The following SHISA4 variants were observed in gnomAD, a reference collection of about 807,000 sequenced individuals.
SHISA4 encodes shisa family member 4, also known as protein shisa-4.
In SHISA4, 16 loss-of-function variants were observed where a neutral mutation model predicts 24.2. That is an observed-to-expected ratio of 0.66 (90% CI 0.45 to 1.00). SHISA4 has a LOEUF of 1.00. SHISA4 is among the 50% of genes least tolerant of loss of function. The pLI, the probability that SHISA4 is intolerant of heterozygous loss-of-function variation, is 0.00. For synonymous variants in SHISA4, 106 were observed against 105.4 expected (o/e 1.01, Z -0.04); for missense variants, 238 against 258.9 (o/e 0.92, Z 0.55).
Position 201,892,010 on chromosome 1 carries a change from G to A in SHISA4, c.*164G>A, listed in dbSNP as rs890033352. The A allele has an allele frequency of 1.3e-6, 1 of 756,906 alleles. No individual in the cohort carries two copies. Among genetic ancestry groups the A allele is most frequent in the Non-Finnish European group, 2.2e-6 (1 of 449,726 alleles). 46.9% of individuals were successfully genotyped at this position (756,906 alleles called of 1,614,324 possible). A position where few individuals can be genotyped will look rare whatever the true frequency, so the allele number is the denominator to read the frequency against. On this transcript the variant is annotated 3_prime_UTR_variant, in exon 5 of 5. Coordinates refer to ENST00000362011, the MANE Select transcript of SHISA4 (RefSeq NM_198149.3). ...ACTGGGGACAGAGCCCCAGGGAAGT[G>A]GAACAGGAGCTGAACTAGAACTATG... is the stretch of plus-strand genomic sequence containing the variant.
rs1473499123 is a variant in SHISA4, at chr1:201,891,459, C to T, written c.438C>T (p.Asp146=). ...PVQPVYPYPQ[D]PKAGPAPPQP... ...AGCCAGTATACCCATACCCCCAGGA[C>T]CCCAAAGCTGGCCCTGCACCCCCAC... Residue 146 remains aspartate (D), a synonymous_variant, in exon 4 of 5, where the codon GAC becomes GAT. Transcript: ENST00000362011. 7.4e-6 allele frequency: 12 copies of T among 1,613,920 alleles called. No homozygotes were observed. The highest frequency in any genetic ancestry group is 1.0e-5 in the Non-Finnish European group (12 of 1,179,936).
rs1681053534 is a variant in SHISA4 at position 201,889,549 on chromosome 1, C to G, written c.178C>G (p.Arg60Gly). ...CTTCTGCTGCGGGACCTGCTACCATCGGTACTGCTGCAGGGACCTGACCTT... is the reference window on the plus strand; with the variant it reads ...CTTCTGCTGCGGGACCTGCTACCATGGGTACTGCTGCAGGGACCTGACCTT... ...FTFCCGTCYH[R>G]YCCRDLTLLI... Residue 60 changes from arginine (R) to glycine (G), a missense_variant, in exon 2 of 5, where the codon CGG becomes GGG. By Grantham distance (125) the Arg-to-Gly change is moderately radical (BLOSUM62 -2). Coordinates refer to ENST00000362011, the MANE Select transcript of SHISA4 (RefSeq NM_198149.3). 1.2e-6 allele frequency: 2 copies of G among 1,613,972 alleles called. No individual in the cohort carries two copies. The highest frequency in any genetic ancestry group is 1.3e-5 in the African/African-American group (1 of 74,904).
Position 201,888,978 on chromosome 1 carries a change from C to T in SHISA4, c.-17C>T. The T allele has an allele frequency of 3.6e-6, 5 of 1,382,400 alleles. No homozygotes were observed. The Admixed American group carries it at 1.4e-4, about 38-fold the overall frequency. 85.6% of individuals were successfully genotyped at this position (1,382,400 alleles called of 1,614,324 possible). ...CTTCTCTGGGAGGCCCGACCCCGGC[C>T]GCGCCCAGCCCCCACCATGCCACCC... is the stretch of plus-strand genomic sequence containing the variant. On this transcript the variant is annotated 5_prime_UTR_variant, in exon 1 of 5. Coordinates refer to ENST00000362011, the MANE Select transcript of SHISA4 (RefSeq NM_198149.3).
At chr1:201,888,869 C>G (rs1318423953), upstream of SHISA4, 3 of 551,482 alleles carry the variant, frequency 5.4e-6, no homozygotes, top group Non-Finnish European at 2.8e-6. Flanking sequence ...GTCCCACCCC[C>G]AGAGGAGGCG....
At chr1:201,890,839 C>T (rs751718353) in intron 3 of SHISA4, among the ~76,000 whole-genome samples, 1 of 152,216 alleles carries the variant, frequency 6.6e-6, no homozygotes, top group Non-Finnish European at 1.5e-5. Context: ...TACAGGAGTG[C>T]AGTCTGTCAA....
intron 3 of SHISA4, among the ~76,000 whole-genome samples, chr1:201,890,968 A>C (rs1381802880): frequency 6.6e-6 from 1 of 152,128 alleles, no homozygotes; most frequent in Non-Finnish European, 1.5e-5. Context: ...TATGTGCCTG[A>C]GTGTTGGCAT....
intron 1 of SHISA4, 119 bp from the exon 2 acceptor site, chr1:201,889,326 G>A (rs1052361651): frequency 7.1e-7 from 1 of 1,405,088 alleles, no homozygotes; most frequent in African/African-American, 1.4e-5. Context: ...GTGGAGACAA[G>A]GGGCAACCCT....
chr1:201,891,442 T>C lies in SHISA4; in HGVS notation c.421T>C (p.Tyr141His), dbSNP rs748059747. Residue 141 changes from tyrosine (Y) to histidine (H), a missense_variant, in exon 4 of 5, where the codon TAC (tyrosine) becomes CAC (histidine). By Grantham distance (83) the Tyr-to-His change is moderately conservative. Transcript: ENST00000362011. ...GACAGGCATCCCAGTGCAGCCAGTA[T>C]ACCCATACCCCCAGGACCCCAAAGC... is the stretch of plus-strand genomic sequence containing the variant. Reference protein sequence around the residue: ...PMTGIPVQPVYPYPQDPKAGP... With the variant: ...PMTGIPVQPVHPYPQDPKAGP... The C allele has an allele frequency of 6.2e-7, 1 of 1,613,810 alleles. No homozygotes were observed. The highest frequency in any genetic ancestry group is 1.1e-5 in the South Asian group (1 of 91,070).
Position 201,891,250 on chromosome 1 carries a change from C to G in SHISA4, c.380-151C>G, listed in dbSNP as rs532017616. 1.8e-5 allele frequency: 16 copies of G among 869,358 alleles called. No homozygotes were observed. In the Admixed American group the frequency reaches 3.4e-4, roughly 18 times the overall value. The allele number at this position is 869,358 out of a possible 1,614,324, so 53.9% of individuals were successfully genotyped here. On this transcript the variant is annotated intron_variant, in intron 3 of 4. Coordinates refer to ENST00000362011, the MANE Select transcript of SHISA4 (RefSeq NM_198149.3). ...GCCACGTGCACAGCTCCCTGCTTAA[C>G]TCTGCCAAGCAGGGTGTGGGAGGCA...
intron 3 of SHISA4, among the ~76,000 whole-genome samples, chr1:201,890,917 G>C (rs1302563740): frequency 6.6e-6 from 1 of 152,216 alleles, no homozygotes; most frequent in Non-Finnish European, 1.5e-5. Context: ...CAGGTCTGTA[G>C]TGATGAACAT....
chr1:201,891,559 A>G lies in SHISA4; in HGVS notation c.538A>G (p.Asn180Asp). The change falls in exon 4 of 5, where the codon AAC becomes GAC. Residue 180 changes from asparagine to aspartate, a missense_variant. Coordinates refer to ENST00000362011, the MANE Select transcript of SHISA4 (RefSeq NM_198149.3). ...CTACCCAGCTGGGCCCCCAGTCTAC[A>G]ACCCTGCAGGTAAGTAAGCAATCTG... ...PLYPAGPPVY[N>D]PAAPPPYMPP... 1.2e-6 allele frequency: 2 copies of G among 1,610,202 alleles called. No homozygotes were observed. The highest frequency in any genetic ancestry group is 1.7e-6 in the Non-Finnish European group (2 of 1,178,006).
At chr1:201,890,769 A>T (rs1384984332) in intron 3 of SHISA4, among the ~76,000 whole-genome samples, 182 bp downstream of exon 3, 1 of 152,234 alleles carries the variant, frequency 6.6e-6, no homozygotes, top group African/African-American at 2.4e-5. Flanking sequence ...TGTGCCTGGG[A>T]TATATGGAAC....
chr1:201,890,382 G>T lies in SHISA4; in HGVS notation c.246-72G>T. 3 of 1,571,146 alleles carry T rather than the reference G, an allele frequency of 1.9e-6. No individual in the cohort carries two copies. In the South Asian group the frequency reaches 3.5e-5, roughly 19 times the overall value. ...GCCATGGCCCCCCTGCTGGCCAGGA[G>T]TTGGAGCCAGCATAATGAGGACTCC... is the stretch of plus-strand genomic sequence containing the variant. On this transcript the variant is annotated intron_variant, in intron 2 of 4. Transcript: ENST00000362011.
In SHISA4 at chr1:201,889,053, T is replaced by A; in HGVS notation, c.59T>A (p.Leu20Gln). ...APLTAIALLV[L>Q]GAPLVLAGED... The stretch of plus-strand genomic sequence containing the variant: ...CTCACCGCAATCGCTCTGTTGGTGC[T>A]GGGGGCTCCCCTGGGTAAGGGGATG... The change falls in exon 1 of 5, where the codon CTG becomes CAG. Residue 20 changes from leucine (L) to glutamine (Q), a missense_variant. By Grantham distance (113) the Leu-to-Gln change is moderately radical. Transcript: ENST00000362011. 1 of 1,390,620 alleles carries A rather than the reference T, an allele frequency of 7.2e-7. No individual in the cohort carries two copies. The highest frequency in any genetic ancestry group is 9.3e-7 in the Non-Finnish European group (1 of 1,070,214). The allele number at this position is 1,390,620 out of a possible 1,614,324, so 86.1% of individuals were successfully genotyped here.
rs1005346553 is a variant in SHISA4, at chr1:201,890,661, T to C, written c.379+74T>C. ...CCAATAATGGGCAGCAGAGAGTTCA[T>C]GGATTGGGTAAATTCTGTAGTAGTA... On this transcript the variant is annotated intron_variant, in intron 3 of 4. Coordinates refer to ENST00000362011, the MANE Select transcript of SHISA4 (RefSeq NM_198149.3). 8 of 1,569,454 alleles carry C rather than the reference T, an allele frequency of 5.1e-6. No individual in the cohort carries two copies. In the East Asian group the frequency reaches 1.8e-4, roughly 35 times the overall value.
intron 1 of SHISA4, 163 bp downstream of exon 1, chr1:201,889,230 G>C: frequency 1.1e-6 from 1 of 915,464 alleles, no homozygotes; most frequent in African/African-American, 1.7e-5. Flanking sequence ...GGAGCTCCAG[G>C]ATGCTGGGCC....
chr1:201,891,076 G>A (rs971935710), intron 3 of SHISA4, among the ~76,000 whole-genome samples: 1 of 152,206 alleles, frequency 6.6e-6, no homozygotes, highest in African/African-American at 2.4e-5. Context: ...CCCTCTTAGT[G>A]GCAGCTCTGC....
At position 201,888,948 on chromosome 1, in the gene SHISA4, G is replaced by A. The variant is rs1180946107; in HGVS notation, c.-47G>A. The stretch of plus-strand genomic sequence containing the variant: ...CTCCAGCTGGCCGGCTTGGTCCTGC[G>A]GTCCCTTCTCTGGGAGGCCCGACCC... On this transcript the variant is annotated 5_prime_UTR_variant, in exon 1 of 5. Coordinates refer to ENST00000362011, the MANE Select transcript of SHISA4 (RefSeq NM_198149.3). 4.6e-6 allele frequency: 6 copies of A among 1,311,110 alleles called. No individual in the cohort carries two copies. The highest frequency in any genetic ancestry group is 5.9e-6 in the Non-Finnish European group (6 of 1,011,394). 81.2% of individuals were successfully genotyped at this position (1,311,110 alleles called of 1,614,324 possible). A position where few individuals can be genotyped will look rare whatever the true frequency, so the allele number is the denominator to read the frequency against.
chr1:201,890,493 C>T lies in SHISA4; in HGVS notation c.285C>T (p.Leu95=). 6.2e-7 allele frequency: 1 copy of T among 1,614,246 alleles called. No homozygotes were observed. Among genetic ancestry groups the T allele is most frequent in the Non-Finnish European group, 8.5e-7 (1 of 1,180,044 alleles). Residue 95 remains leucine, a synonymous_variant, in exon 3 of 5, where the codon CTC becomes CTT. Coordinates refer to ENST00000362011, the MANE Select transcript of SHISA4 (RefSeq NM_198149.3). ...CAGGCATCGCCTCAGCTGTGATCCT[C>T]TTTGTTGCTGTGGTTGCCACCACCA... is the stretch of plus-strand genomic sequence containing the variant. ...TIAGIASAVI[L]FVAVVATTIC...
Sources: allele counts gnomAD v4.1 joint callset (sites outside exome capture counted in the v4.1 genomes callset), GRCh38; gene constraint gnomAD v4.1.1; transcripts MANE v1.5; gene names NCBI Gene and HGNC (gene_info 2026-07-23, HGNC 2026-07-21).